Variants in RORA observed in about 807,000 individuals in gnomAD.
RORA encodes the protein RAR related orphan receptor A, also known as nuclear receptor ROR-alpha.
In RORA, 7 loss-of-function variants were observed where a neutral mutation model predicts 69.5. The ratio of observed to expected loss-of-function variants is 0.10; its 90% CI spans 0.06 to 0.19. The LOEUF (loss-of-function observed/expected upper bound fraction) is 0.19, where lower values mean the gene tolerates loss of function less well. Among genes scored for constraint, RORA ranks in the 10% least tolerant of loss-of-function variants. The pLI is 1.00. For synonymous variants in RORA, 261 were observed against 240.8 expected, an observed-to-expected ratio of 1.08 and a Z score of -0.78; for missense variants, 457 against 663.0, an observed-to-expected ratio of 0.69 and a Z score of 3.41.
intron 2 of RORA, among the ~76,000 whole-genome samples, chr15:60,672,502 T>C (rs1335671134): frequency 1.3e-5 from 2 of 152,282 alleles, no homozygotes; most frequent in Admixed American, 1.3e-4. Context: ...ACTTAGAAAG[T>C]GCTTAGAGAA....
intron 1 of RORA, chr15:61,214,219 G>A (rs1187406375): frequency 2.0e-5 from 3 of 152,198 alleles, no homozygotes; most frequent in African/African-American, 4.8e-5. Flanking sequence ...ATAAAGAGAT[G>A]TTGTCAAACG....
chr15:60,946,880 G>GCGA (rs1443587913), intron 1 of RORA, among the ~76,000 whole-genome samples: 1 of 149,204 alleles, frequency 6.7e-6, no homozygotes, highest in Non-Finnish European at 1.5e-5. Context: ...CTGCCCCGCC[G>GCGA]CCCCGTCTGG....
chr15:60,728,391 T>C (rs900030282), intron 1 of RORA, among the ~76,000 whole-genome samples: 1 of 152,196 alleles, frequency 6.6e-6, no homozygotes, highest in Non-Finnish European at 1.5e-5. Flanking sequence ...GGAATTATAT[T>C]GACCCTGCTT....
intron 1 of RORA, among the ~76,000 whole-genome samples, chr15:61,127,422 A>G (rs997027889): frequency 6.6e-6 from 1 of 152,236 alleles, no homozygotes; most frequent in African/African-American, 2.4e-5. Flanking sequence ...CCACAAAAAA[A>G]GGTCCACATG....
chr15:60,538,037 C>T (rs773792229), intron 2 of RORA, among the ~76,000 whole-genome samples: 11 of 152,142 alleles, frequency 7.2e-5, no homozygotes, highest in Non-Finnish European at 8.8e-5. Flanking sequence ...TTTACAGATA[C>T]GGAAAATGAG....
intron 1 of RORA, among the ~76,000 whole-genome samples, chr15:60,727,418 G>A (rs1211793407): frequency 1.3e-5 from 2 of 152,062 alleles, no homozygotes; most frequent in Admixed American, 1.3e-4. Context: ...AGTTCTTAAC[G>A]TTTCCAGACA....
intron 1 of RORA, among the ~76,000 whole-genome samples, chr15:60,889,065 G>C (rs549476067): frequency 1.2e-3 from 182 of 152,330 alleles, no homozygotes; most frequent in South Asian, 3.3e-3. Context: ...CACCTCTCCT[G>C]ACCCTTCTCT....
chr15:60,915,353 G>A (rs1352692143), intron 1 of RORA, among the ~76,000 whole-genome samples: 2 of 152,322 alleles, frequency 1.3e-5, no homozygotes, highest in South Asian at 2.1e-4. Context: ...CAGAGTGCTG[G>A]CCCTGGAGGA....
At chr15:60,777,214 T>C (rs570435251) in intron 1 of RORA, among the ~76,000 whole-genome samples, 2 of 152,330 alleles carry the variant, frequency 1.3e-5, no homozygotes, top group Admixed American at 1.3e-4. Context: ...TCTAACAAAG[T>C]ATATTCCAAT....
At chr15:60,520,524 T>C (rs2066128673) in intron 3 of RORA, among the ~76,000 whole-genome samples, 3 of 152,076 alleles carry the variant, frequency 2.0e-5, no homozygotes, top group African/African-American at 7.2e-5. Context: ...AAGTAGAAAG[T>C]GTGGTAGGTA....
chr15:60,654,220 C>A (rs1444153233), intron 2 of RORA, among the ~76,000 whole-genome samples: 1 of 152,206 alleles, frequency 6.6e-6, no homozygotes, highest in Admixed American at 6.5e-5. Flanking sequence ...GGTAATGCAA[C>A]TGTTTTGATT....
chr15:61,130,737 G>C (rs1253981427), intron 1 of RORA, among the ~76,000 whole-genome samples: 1 of 152,218 alleles, frequency 6.6e-6, no homozygotes, highest in East Asian at 1.9e-4. Flanking sequence ...CATGGTAGTT[G>C]TTGGTAGCAT....
chr15:60,557,053 T>C (rs1347746200), intron 2 of RORA: 4 of 702,500 alleles, frequency 5.7e-6, no homozygotes, highest in Non-Finnish European at 9.8e-6. Flanking sequence ...ACTGTTTAGG[T>C]AGCCAACTCC....
intron 1 of RORA, among the ~76,000 whole-genome samples, chr15:61,225,877 CT>C (rs1377389054): frequency 6.6e-6 from 1 of 152,140 alleles, no homozygotes; most frequent in Non-Finnish European, 1.5e-5. Context: ...CGCTTCCTGC[CT>C]TTCTTTTTTC....
At chr15:60,568,719 T>C (rs1253797831) in intron 2 of RORA, among the ~76,000 whole-genome samples, 1 of 152,214 alleles carries the variant, frequency 6.6e-6, no homozygotes, top group Non-Finnish European at 1.5e-5. Context: ...ACCTGAGAGC[T>C]TCTTTCACTT....
chr15:60,852,189 T>C (rs1453207599), intron 1 of RORA, among the ~76,000 whole-genome samples: 3 of 152,182 alleles, frequency 2.0e-5, no homozygotes, highest in Admixed American at 2.0e-4. Flanking sequence ...ATGGGTGTTC[T>C]TATTGAATAC....
intron 1 of RORA, among the ~76,000 whole-genome samples, chr15:61,006,998 G>C (rs1393343943): frequency 1.3e-5 from 2 of 151,958 alleles, no homozygotes; most frequent in African/African-American, 4.8e-5. Flanking sequence ...GTCTGATAAT[G>C]CATTTGTGGT....
At chr15:60,569,370 A>C (rs889816842) in intron 2 of RORA, among the ~76,000 whole-genome samples, 2 of 151,948 alleles carry the variant, frequency 1.3e-5, no homozygotes, top group Non-Finnish European at 2.9e-5. Context: ...TCCAGGTTAC[A>C]GTGAGCTATG....
At chr15:60,940,528 C>T (rs1439642374) in intron 1 of RORA, among the ~76,000 whole-genome samples, 1 of 152,082 alleles carries the variant, frequency 6.6e-6, no homozygotes. Flanking sequence ...AGCCAAGAGG[C>T]CCGAGGGAAC....
Sources: allele counts gnomAD v4.1 joint callset (sites outside exome capture counted in the v4.1 genomes callset), GRCh38; gene constraint gnomAD v4.1.1; transcripts MANE v1.5; gene names NCBI Gene and HGNC (gene_info 2026-07-23, HGNC 2026-07-21).